The following USP43 variants were observed in gnomAD, a reference collection of about 807,000 sequenced individuals.
The protein encoded by USP43 is ubiquitin specific peptidase 43.
Under a neutral mutation model 90.7 loss-of-function variants are expected in USP43, and 33 were observed. The observed-to-expected ratio is 0.36, with a 90% confidence interval of 0.28 to 0.49. The LOEUF is 0.49. Ranked by LOEUF, USP43 falls within the 20% of genes least tolerant of loss-of-function variation. The pLI, the probability that USP43 is intolerant of heterozygous loss-of-function variation, is 0.98. For synonymous variants in USP43, 598 were observed against 615.8 expected, an observed-to-expected ratio of 0.97 and a Z score of 0.43; for missense variants, 1,274 against 1,476.4, an observed-to-expected ratio of 0.86 and a Z score of 2.25.
intron 8 of USP43, 133 bp downstream of exon 8, chr17:9,687,042 A>C (rs1295341621): frequency 3.2e-6 from 2 of 621,470 alleles, no homozygotes; most frequent in East Asian, 2.9e-5. Flanking sequence ...AAGAGTGTTC[A>C]TACTGTTTTA....
chr17:9,697,242 A>G (rs1269410112), intron 9 of USP43, among the ~76,000 whole-genome samples: 1 of 152,050 alleles, frequency 6.6e-6, no homozygotes, highest in Non-Finnish European at 1.5e-5. Flanking sequence ...AATAAATAAA[A>G]TAAAAAAGAT....
intron 12 of USP43, among the ~76,000 whole-genome samples, chr17:9,707,646 C>CGA (rs1915962419): frequency 1.1e-5 from 1 of 87,116 alleles, no homozygotes; most frequent in Non-Finnish European, 2.4e-5. Flanking sequence ...GACTCTGTCT[C>CGA]AAAAAAAAAA....
At chr17:9,710,456 G>A (rs966927435) in intron 13 of USP43, among the ~76,000 whole-genome samples, 1 of 151,474 alleles carries the variant, frequency 6.6e-6, no homozygotes, top group Non-Finnish European at 1.5e-5. Flanking sequence ...TGTTGGAAAG[G>A]CAGGGCAGTT....
chr17:9,676,435 T>C (rs1203451890), intron 4 of USP43, among the ~76,000 whole-genome samples: 1 of 152,170 alleles, frequency 6.6e-6, no homozygotes, highest in Non-Finnish European at 1.5e-5. Flanking sequence ...AGTGGTGCCA[T>C]CTCTGCTCAC....
intron 5 of USP43, among the ~76,000 whole-genome samples, chr17:9,677,140 G>A (rs1913835574): frequency 6.6e-6 from 1 of 152,168 alleles, no homozygotes; most frequent in South Asian, 2.1e-4. Context: ...TCCAGCAATA[G>A]CTACCCCTAG....
At chr17:9,693,642 T>A (rs901571148) in intron 9 of USP43, among the ~76,000 whole-genome samples, 3 of 151,946 alleles carry the variant, frequency 2.0e-5, no homozygotes, top group Non-Finnish European at 4.4e-5. Flanking sequence ...TTGAGACCAG[T>A]CTGGCCAACA....
chr17:9,727,174 G>A (rs1246885056), intron 14 of USP43, among the ~76,000 whole-genome samples: 2 of 152,140 alleles, frequency 1.3e-5, no homozygotes, highest in South Asian at 2.1e-4. Flanking sequence ...GTTTCACCAT[G>A]TTGGTCAGGC....
chr17:9,700,488 A>G (rs1343897867), intron 10 of USP43, among the ~76,000 whole-genome samples: 1 of 152,206 alleles, frequency 6.6e-6, no homozygotes, highest in South Asian at 2.1e-4. Flanking sequence ...TAGTAACTGC[A>G]GTCATAGTAG....
rs1174428141 is a variant in USP43, at chr17:9,701,734, T to G, written c.2011+34T>G. 1 of 1,484,762 alleles carries G rather than the reference T, an allele frequency of 6.7e-7. No homozygotes were observed. The highest frequency in any genetic ancestry group is 2.2e-5 in the Admixed American group (1 of 45,936). The allele number at this position is 1,484,762 out of a possible 1,614,324, so 92.0% of individuals were successfully genotyped here. On this transcript the variant is annotated intron_variant, in intron 12 of 14. Transcript: ENST00000285199. This position sits in a 1 kb window ranked among gnomAD's most constrained non-coding sequence, Gnocchi z 7.2. ...TGCCTTGCCTTTCTGCAAATGCAGC[T>G]GTGGCCACAGCCTCGAGATGTCCCT...
chr17:9,667,970 C>A (rs1483346746), intron 3 of USP43, among the ~76,000 whole-genome samples: 1 of 152,006 alleles, frequency 6.6e-6, no homozygotes, highest in Non-Finnish European at 1.5e-5. Flanking sequence ...AGGATTTGTC[C>A]CCTGAAATAT....
chr17:9,699,171 CCTT>C (rs1306856000), intron 9 of USP43, among the ~76,000 whole-genome samples: 5 of 152,204 alleles, frequency 3.3e-5, no homozygotes, highest in Admixed American at 3.3e-4. Context: ...GTAGAGCCCA[CCTT>C]CTTCTACAAT....
Position 9,696,266 on chromosome 17 carries a change from T to G in USP43, c.1457+3036T>G, listed in dbSNP as rs1567669819. 5.3e-5 allele frequency among the ~76,000 whole-genome samples: 8 copies of G among 152,254 alleles called. No individual in the cohort carries two copies. In the South Asian group the frequency reaches 1.7e-3, roughly 32 times the overall value. ...CTCCTGCCTCAGCCTCCCGAGCAGC[T>G]GGGACTACAGGTGCACACTGCCACC... On this transcript the variant is annotated intron_variant, in intron 9 of 14. Transcript: ENST00000285199.
chr17:9,702,983 C>T (rs773899287), intron 12 of USP43, among the ~76,000 whole-genome samples: 8 of 152,140 alleles, frequency 5.3e-5, no homozygotes, highest in East Asian at 1.9e-4. Context: ...TGACAGTGGC[C>T]GCCTTATGCT....
At chr17:9,699,938 C>T (rs1915475742) in intron 9 of USP43, among the ~76,000 whole-genome samples, 1 of 152,164 alleles carries the variant, frequency 6.6e-6, no homozygotes, top group African/African-American at 2.4e-5. Context: ...CTACAGAGCT[C>T]ACAAGCTCCC....
At chr17:9,673,669 G>A (rs1195127602) in intron 3 of USP43, among the ~76,000 whole-genome samples, 1 of 152,216 alleles carries the variant, frequency 6.6e-6, no homozygotes, top group Non-Finnish European at 1.5e-5. Flanking sequence ...ACGCAGGAAT[G>A]ATATGAGCAC....
chr17:9,659,209 A>T (rs1286107315), intron 2 of USP43, among the ~76,000 whole-genome samples: 2 of 152,188 alleles, frequency 1.3e-5, no homozygotes, highest in East Asian at 3.9e-4. Context: ...TTTTAAAAAG[A>T]TACTGTTTGT....
chr17:9,706,261 T>C (rs1426494731), intron 12 of USP43, among the ~76,000 whole-genome samples: 1 of 152,226 alleles, frequency 6.6e-6, no homozygotes, highest in East Asian at 1.9e-4. Flanking sequence ...TTTTCTGTAA[T>C]ATAAATTGCA....
intron 2 of USP43, among the ~76,000 whole-genome samples, chr17:9,663,390 C>G (rs1473487720): frequency 1.3e-5 from 2 of 151,562 alleles, no homozygotes; most frequent in Non-Finnish European, 2.9e-5. Flanking sequence ...CTCTGCCTCC[C>G]AGGTTAAAGC....
chr17:9,723,703 C>A (rs2152002701), intron 14 of USP43, among the ~76,000 whole-genome samples: 1 of 151,568 alleles, frequency 6.6e-6, no homozygotes, highest in African/African-American at 2.4e-5. Flanking sequence ...CCTGCCTCAG[C>A]CTCACGAACA....
Sources: gnomAD v4.1 joint callset for allele counts (sites outside exome capture counted in the v4.1 genomes callset) on GRCh38, gnomAD v4.1.1 for gene constraint, Gnocchi (gnomAD v3.1) non-coding constraint, MANE v1.5 for transcripts, NCBI Gene and HGNC (gene_info 2026-07-23, HGNC 2026-07-21) for gene names.